The following XPO4 variants were observed in gnomAD, a reference collection of about 807,000 sequenced individuals.
The protein encoded by XPO4 is exportin-4.
In XPO4, 39 loss-of-function variants were observed where a neutral mutation model predicts 143.0. The ratio of observed to expected loss-of-function variants is 0.27; its 90% CI spans 0.21 to 0.36. XPO4 has a LOEUF of 0.36. XPO4 is among the 10% of genes least tolerant of loss of function. XPO4 has a pLI of 1.00. For synonymous variants in XPO4, 439 were observed against 474.0 expected, an observed-to-expected ratio of 0.93 and a Z score of 0.96; for missense variants, 907 against 1,348.0, an observed-to-expected ratio of 0.67 and a Z score of 5.12.
rs759892813 is a variant in XPO4, at chr13:20,783,749, A to G, written c.3429T>C (p.Asn1143=). 9 of 1,614,214 alleles carry G rather than the reference A, an allele frequency of 5.6e-6. No individual in the cohort carries two copies. The highest frequency in any genetic ancestry group is 7.6e-6 in the Non-Finnish European group (9 of 1,180,022). The change falls in exon 23 of 23, where the codon AAT becomes AAC. Residue 1143 remains asparagine (N), a synonymous_variant. Coordinates refer to ENST00000255305, the MANE Select transcript of XPO4 (RefSeq NM_022459.5). ...ATTTTACACAAAGGAGACCACCAAC[A>G]TTTGCCATAAATTCTTCTAAACTCT... is the stretch of plus-strand genomic sequence containing the variant. The part of the protein sequence containing the change: ...FLKSLEEFMA[N]VGGLLCVK
chr13:20,872,259 G>A (rs946286289), intron 1 of XPO4, among the ~76,000 whole-genome samples: 2 of 152,100 alleles, frequency 1.3e-5, no homozygotes, highest in South Asian at 4.1e-4. Context: ...ATCTGCTTCC[G>A]TCTCTGCTTC....
At chr13:20,863,022 CCT>C in intron 2 of XPO4, 164 bp from the exon 3 acceptor site, 1 of 1,397,628 alleles carries the variant, frequency 7.2e-7, no homozygotes, top group South Asian at 1.7e-5. Context: ...GAGGTTAGTT[CCT>C]CTCAGAAGAC....
intron 6 of XPO4, among the ~76,000 whole-genome samples, chr13:20,831,804 A>ATTTTT (rs34302388): frequency 2.7e-4 from 24 of 88,738 alleles, no homozygotes; most frequent in East Asian, 1.2e-3. Context: ...TAGTACAGTG[A>ATTTTT]TTTTTTTTTT....
intron 1 of XPO4, among the ~76,000 whole-genome samples, chr13:20,870,065 A>C (rs1595147889): frequency 7.1e-6 from 1 of 139,966 alleles, no homozygotes; most frequent in Non-Finnish European, 1.5e-5. Flanking sequence ...GCGCCACTGC[A>C]CTCTAGCCTG....
chr13:20,827,165 T>C lies in XPO4; in HGVS notation c.742A>G (p.Ile248Val). 1 of 1,613,078 alleles carries C rather than the reference T, an allele frequency of 6.2e-7. No homozygotes were observed. Among genetic ancestry groups the C allele is most frequent in the Non-Finnish European group, 8.5e-7 (1 of 1,179,092 alleles). The change falls in exon 7 of 23, where the codon ATA (isoleucine) becomes GTA (valine). Residue 248 changes from isoleucine (I) to valine (V), a missense_variant. Transcript: ENST00000255305. ...FLPPNLGRHYIAMFESSQNVL... is the reference protein window; with the variant it reads ...FLPPNLGRHYVAMFESSQNVL... ...TTTTGCGAGGATTCAAACATAGCTA[T>C]ATAATGTCTGCCCAGTTATTTGGTG...
intron 8 of XPO4, 23 bp downstream of exon 8, chr13:20,822,109 C>T (rs2059727655): frequency 6.3e-7 from 1 of 1,575,674 alleles, no homozygotes; most frequent in South Asian, 1.2e-5. Flanking sequence ...CCTTTTTCAG[C>T]TGCAAAGGGC....
At position 20,818,205 on chromosome 13, in the gene XPO4, T is replaced by G. The variant is rs567390826; in HGVS notation, c.1173+3499A>C. 3.3e-5 allele frequency among the ~76,000 whole-genome samples: 5 copies of G among 152,318 alleles called. No individual in the cohort carries two copies. In the East Asian group the frequency reaches 9.6e-4, roughly 29 times the overall value. ...TGAAAAAATTCTTATCTCCAAAAAG[T>G]CTCAAATAATATCAAGAAACTTCTG... On this transcript the variant is annotated intron_variant, in intron 9 of 22. Transcript: ENST00000255305.
chr13:20,793,869 G>A (rs2059318943), intron 18 of XPO4, among the ~76,000 whole-genome samples: 1 of 152,174 alleles, frequency 6.6e-6, no homozygotes, highest in East Asian at 1.9e-4. Flanking sequence ...AGGGCAAGTC[G>A]TACAGAAATT....
chr13:20,809,277 G>C, intron 10 of XPO4, 52 bp from the exon 11 acceptor site: 1 of 1,577,476 alleles, frequency 6.3e-7, no homozygotes. Context: ...CCTATTCAAC[G>C]TGCACTTCTG....
chr13:20,821,767 G>A lies in XPO4; in HGVS notation c.1110C>T (p.Ser370=), dbSNP rs2059722777. 6.2e-7 allele frequency: 1 copy of A among 1,613,962 alleles called. No homozygotes were observed. The highest frequency in any genetic ancestry group is 1.3e-5 in the African/African-American group (1 of 74,948). ...TGAGGTGTGTGAGGCAGTTAACAAAGGAGGAGAAAAGTTCACTTGGAATGG... is the reference window on the plus strand; with the variant it reads ...TGAGGTGTGTGAGGCAGTTAACAAAAGAGGAGAAAAGTTCACTTGGAATGG... ...LTAIPSELFS[S]FVNCLTHLTC... is the part of the protein sequence containing the mutation. Residue 370 remains serine, a synonymous_variant, in exon 9 of 23, where the codon TCC becomes TCT. Coordinates refer to ENST00000255305, the MANE Select transcript of XPO4 (RefSeq NM_022459.5).
chr13:20,797,140 A>T, intron 16 of XPO4, 83 bp from the exon 17 acceptor site: 1 of 1,335,374 alleles, frequency 7.5e-7, no homozygotes, highest in Non-Finnish European at 1.0e-6. Context: ...CACTTTCCAA[A>T]ACATTTCTAA....
At chr13:20,856,290 A>T in intron 3 of XPO4, 1 of 978,078 alleles carries the variant, frequency 1.0e-6, no homozygotes, top group Non-Finnish European at 1.2e-6. Flanking sequence ...TCCGAGATAC[A>T]TCATTATGGA....
At chr13:20,843,500 T>C (rs2059998026) in intron 5 of XPO4, among the ~76,000 whole-genome samples, 1 of 152,030 alleles carries the variant, frequency 6.6e-6, no homozygotes, top group Non-Finnish European at 1.5e-5. Flanking sequence ...TTGAATTAGT[T>C]ATATCTAAAC....
chr13:20,868,534 A>C, intron 2 of XPO4, 62 bp downstream of exon 2: 1 of 1,558,308 alleles, frequency 6.4e-7, no homozygotes, highest in Non-Finnish European at 8.6e-7. Flanking sequence ...GCTAATGTTT[A>C]AGACAGCAAA....
chr13:20,894,949 G>A (rs2060554275), intron 1 of XPO4, among the ~76,000 whole-genome samples: 1 of 151,832 alleles, frequency 6.6e-6, no homozygotes, highest in Admixed American at 6.6e-5. Flanking sequence ...AGGCCGAGGC[G>A]AGCGGATCAC....
At chr13:20,815,305 A>G (rs1221702727) in intron 9 of XPO4, among the ~76,000 whole-genome samples, 2 of 152,168 alleles carry the variant, frequency 1.3e-5, no homozygotes, top group East Asian at 1.9e-4. Flanking sequence ...TATGTACACT[A>G]TGGACTCTGG....
In XPO4 at chr13:20,799,418, A is replaced by G. The variant is rs189717935; in HGVS notation, c.2148-79T>C. The G allele has an allele frequency of 1.2e-3, 1,505 of 1,239,314 alleles. 13 individuals are homozygous for G. The African/African-American group carries it at 0.019, about 16-fold the overall frequency. 76.8% of individuals were successfully genotyped at this position (1,239,314 alleles called of 1,614,324 possible). On this transcript the variant is annotated intron_variant, in intron 15 of 22. Transcript: ENST00000255305. ...ACATACACATATACACACAAAGAAA[A>G]CAAAAATAAAAAATAACTAGATTTA...
At chr13:20,829,717 G>A (rs1382382338) in intron 6 of XPO4, among the ~76,000 whole-genome samples, 3 of 152,128 alleles carry the variant, frequency 2.0e-5, no homozygotes, top group African/African-American at 4.8e-5. Flanking sequence ...AGGAAATGAG[G>A]AGAGTCTCTC....
At chr13:20,814,294 A>G (rs946360531) in intron 9 of XPO4, among the ~76,000 whole-genome samples, 1 of 152,130 alleles carries the variant, frequency 6.6e-6, no homozygotes, top group African/African-American at 2.4e-5. Flanking sequence ...ATTCATATAC[A>G]TAAAAGTATA....
Sources: allele counts gnomAD v4.1 joint callset (sites outside exome capture counted in the v4.1 genomes callset), GRCh38; gene constraint gnomAD v4.1.1; transcripts MANE v1.5; gene names NCBI Gene and HGNC (gene_info 2026-07-23, HGNC 2026-07-21).